The following ZNF484 variants were observed in gnomAD, a reference collection of about 807,000 sequenced individuals.
The protein encoded by ZNF484 is zinc finger protein 484.
Under a neutral mutation model 12.9 loss-of-function variants are expected in ZNF484, and 11 were observed. The observed-to-expected ratio is 0.85, with a 90% CI of 0.54 to 1.41. ZNF484 has a LOEUF of 1.41. ZNF484 is among the 40% of genes most tolerant of loss of function. The pLI is 0.00. For missense variants in ZNF484, 807 were observed against 1,007.7 expected (o/e 0.80, Z 2.70); for synonymous variants, 289 against 334.1 (o/e 0.86, Z 1.47).
Position 92,848,504 on chromosome 9 carries a change from C to G in ZNF484, c.283G>C (p.Val95Leu), listed in dbSNP as rs969147620. 2 of 1,610,682 alleles carry G rather than the reference C, an allele frequency of 1.2e-6. No homozygotes were observed. The highest frequency in any genetic ancestry group is 2.7e-5 in the African/African-American group (2 of 74,844). The part of the protein sequence containing the change: ...GPLQQRMSEE[V>L]SFQSEININL... ...ATATTAATCTCAGACTGGAAAGAAA[C>G]TTCTTCAGACATCCTCTGTTGTAAA... Residue 95 changes from valine to leucine, a missense_variant, in exon 5 of 5, where the codon GTT becomes CTT. Physicochemically the swap from Val to Leu is conservative, Grantham distance 32. Transcript: ENST00000375495. The surrounding 1 kb of genome is among the most constrained non-coding windows in gnomAD (Gnocchi z 4.1).
chr9:92,847,053 T>C lies in ZNF484; in HGVS notation c.1734A>G (p.Lys578=), dbSNP rs573917506. 1.5e-4 allele frequency: 250 copies of C among 1,613,926 alleles called. 2 individuals are homozygous for C. In the South Asian group the frequency reaches 2.6e-3, roughly 17 times the overall value. ...SMHQRIHRGE[K]PYVCTECGKA... is the part of the protein sequence containing the mutation. Reference sequence around the variant, plus strand: ...TACCACATTCAGTGCAAACATATGGTTTTTCCCCTCTATGAATTCTCTGGT... The same window carrying C: ...TACCACATTCAGTGCAAACATATGGCTTTTCCCCTCTATGAATTCTCTGGT... The change falls in exon 5 of 5, where the codon AAA becomes AAG. Residue 578 remains lysine, a synonymous_variant. Coordinates refer to ENST00000375495, the MANE Select transcript of ZNF484 (RefSeq NM_031486.4).
intron 1 of ZNF484, among the ~76,000 whole-genome samples, chr9:92,877,393 T>C (rs968950839): frequency 1.3e-5 from 2 of 151,892 alleles, no homozygotes; most frequent in African/African-American, 4.8e-5. Flanking sequence ...TATATAAATA[T>C]AATAACCGTA....
chr9:92,855,978 G>C (rs1856424615), intron 3 of ZNF484, 75 bp from the exon 4 acceptor site: 2 of 1,531,828 alleles, frequency 1.3e-6, no homozygotes, highest in South Asian at 1.2e-5. Flanking sequence ...TCCCAAAAAA[G>C]TTCACTGGGA....
chr9:92,852,529 CTTTTTTTTTTTT>C (rs760841960), intron 4 of ZNF484, among the ~76,000 whole-genome samples: 1 of 63,450 alleles, frequency 1.6e-5, no homozygotes, highest in African/African-American at 7.5e-5. Context: ...CACGCCCAGC[CTTTTTTTTTTTT>C]TTTTTTTTTT....
chr9:92,875,970 C>A (rs1011274448), intron 1 of ZNF484, among the ~76,000 whole-genome samples: 6 of 152,218 alleles, frequency 3.9e-5, no homozygotes, highest in Non-Finnish European at 7.3e-5. Context: ...TAAAAGACCA[C>A]TTCTCTGTCA....
At chr9:92,869,437 T>C (rs968302068) in intron 2 of ZNF484, among the ~76,000 whole-genome samples, 20 of 152,212 alleles carry the variant, frequency 1.3e-4, no homozygotes, top group Admixed American at 9.2e-4. Context: ...TATACCCATA[T>C]TAGGCTGGGC....
chr9:92,868,102 A>T (rs1417038268), intron 2 of ZNF484, among the ~76,000 whole-genome samples: 3 of 152,206 alleles, frequency 2.0e-5, no homozygotes, highest in African/African-American at 4.8e-5. Context: ...TCTGGAGGTC[A>T]TATGTCCAAA....
chr9:92,863,841 T>C (rs1321624690), intron 2 of ZNF484, among the ~76,000 whole-genome samples: 1 of 152,030 alleles, frequency 6.6e-6, no homozygotes, highest in Non-Finnish European at 1.5e-5. Context: ...GATTTGGGAG[T>C]CACCAGTAGA....
Position 92,846,290 on chromosome 9 carries a change from A to C in ZNF484, c.2497T>G (p.Ser833Ala). The change falls in exon 5 of 5, where the codon TCC (serine) becomes GCC (alanine). Residue 833 changes from serine (S) to alanine (A), a missense_variant. Ser to Ala is a moderately conservative substitution (Grantham distance 99). Coordinates refer to ENST00000375495, the MANE Select transcript of ZNF484 (RefSeq NM_031486.4). Reference sequence around the variant, plus strand: ...TCCCCACACCATAATTGTGGCATGGAGCACTCTACTTCCCCATTGTCAGAT... The same window carrying C: ...TCCCCACACCATAATTGTGGCATGGCGCACTCTACTTCCCCATTGTCAGAT... ...QKSDNGEVEC[S>A]MPQLWCGDSE... is the part of the protein sequence containing the mutation. The C allele has an allele frequency of 6.2e-7, 1 of 1,614,102 alleles. No homozygotes were observed. The highest frequency in any genetic ancestry group is 1.1e-5 in the South Asian group (1 of 91,082).
chr9:92,876,030 T>A (rs965482279), intron 1 of ZNF484, among the ~76,000 whole-genome samples: 1 of 138,754 alleles, frequency 7.2e-6, no homozygotes, highest in South Asian at 2.2e-4. Flanking sequence ...AGTATCTCTA[T>A]CTTTGAGAGA....
intron 2 of ZNF484, among the ~76,000 whole-genome samples, chr9:92,859,414 T>C (rs1267687651): frequency 6.6e-6 from 1 of 152,122 alleles, no homozygotes; most frequent in African/African-American, 2.4e-5. Flanking sequence ...AGTGAGTTAG[T>C]TCCCTAGAGG....
Position 92,856,172 on chromosome 9 carries a change from C to G in ZNF484, c.142+20G>C. On this transcript the variant is annotated intron_variant, in intron 3 of 4. Transcript: ENST00000375495. Reference sequence around the variant, plus strand: ...TCAATTAGGTGCAGCCTACTCTATACCCAGCAGAGCCGTGCTTACCCACTG... The same window carrying G: ...TCAATTAGGTGCAGCCTACTCTATAGCCAGCAGAGCCGTGCTTACCCACTG... 1.2e-6 allele frequency: 2 copies of G among 1,612,098 alleles called. No individual in the cohort carries two copies. The highest frequency in any genetic ancestry group is 1.3e-5 in the African/African-American group (1 of 74,860).
intron 2 of ZNF484, among the ~76,000 whole-genome samples, chr9:92,867,180 A>G (rs1857138818): frequency 6.6e-6 from 1 of 152,130 alleles, no homozygotes; most frequent in African/African-American, 2.4e-5. Flanking sequence ...CCCTGTCTCT[A>G]CTAGAAATAC....
chr9:92,846,730 T>G lies in ZNF484; in HGVS notation c.2057A>C (p.His686Pro). ...KSGLHIHQQS[H>P]TGERHYECSE... ...GCACTCATAATGCCTTTCTCCAGTA[T>G]GGGATTGCTGATGTATATGGAGACC... The change falls in exon 5 of 5, where the codon CAT becomes CCT. Residue 686 changes from histidine to proline, a missense_variant. Coordinates refer to ENST00000375495, the MANE Select transcript of ZNF484 (RefSeq NM_031486.4). 1 of 1,614,066 alleles carries G rather than the reference T, an allele frequency of 6.2e-7. No homozygotes were observed. The highest frequency in any genetic ancestry group is 1.7e-5 in the Admixed American group (1 of 60,026).
chr9:92,869,444 G>A (rs1277543159), intron 2 of ZNF484, among the ~76,000 whole-genome samples: 3 of 152,204 alleles, frequency 2.0e-5, no homozygotes, highest in African/African-American at 7.2e-5. Flanking sequence ...ATATTAGGCT[G>A]GGCGCAGTGG....
At chr9:92,864,349 C>T (rs1022833) in intron 2 of ZNF484, among the ~76,000 whole-genome samples, 55,009 of 151,836 alleles carry the variant, frequency 0.36, 10,252 homozygotes, top group Admixed American at 0.42. Context: ...TGGCCTGGAA[C>T]GCTGACTCAG....
chr9:92,860,412 C>T (rs187633760), intron 2 of ZNF484, among the ~76,000 whole-genome samples: 1 of 152,068 alleles, frequency 6.6e-6, no homozygotes, highest in African/African-American at 2.4e-5. Flanking sequence ...ACCATCCTGG[C>T]TAACATGGTG....
At chr9:92,867,554 A>T in intron 2 of ZNF484, among the ~76,000 whole-genome samples, 1 of 152,198 alleles carries the variant, frequency 6.6e-6, no homozygotes, top group Non-Finnish European at 1.5e-5. Flanking sequence ...GATGCAGCAA[A>T]CCACCATGGC....
At chr9:92,864,058 G>A (rs1410329356) in intron 2 of ZNF484, among the ~76,000 whole-genome samples, 1 of 152,096 alleles carries the variant, frequency 6.6e-6, no homozygotes, top group Non-Finnish European at 1.5e-5. Flanking sequence ...TGCCAAGATG[G>A]ATGAAAAAAG....
Sources: allele counts gnomAD v4.1 joint callset (sites outside exome capture counted in the v4.1 genomes callset), GRCh38; gene constraint gnomAD v4.1.1; non-coding constraint Gnocchi (gnomAD v3.1); transcripts MANE v1.5; gene names NCBI Gene and HGNC (gene_info 2026-07-23, HGNC 2026-07-21).